The following STK3 variants were observed in gnomAD, a reference collection of about 807,000 sequenced individuals.
STK3 encodes serine/threonine kinase 3, also known as serine/threonine-protein kinase 3.
STK3 carries 41 observed loss-of-function variants against 58.0 expected under a neutral mutation model. The observed-to-expected ratio is 0.71, with a 90% CI of 0.55 to 0.92. The LOEUF (loss-of-function observed/expected upper bound fraction) is 0.92, where lower values mean the gene tolerates loss of function less well. Ranked by LOEUF, STK3 falls within the 40% of genes least tolerant of loss-of-function variation. STK3 has a pLI of 0.00. For synonymous variants in STK3, 170 were observed against 191.0 expected, an observed-to-expected ratio of 0.89 and a Z score of 0.91; for missense variants, 479 against 602.7, an observed-to-expected ratio of 0.79 and a Z score of 2.15.
At chr8:98,696,648 C>T (rs969028479) in intron 6 of STK3, among the ~76,000 whole-genome samples, 1 of 152,176 alleles carries the variant, frequency 6.6e-6, no homozygotes, top group Admixed American at 6.5e-5. Context: ...TGTTTACATG[C>T]TGGATTACAT....
At chr8:98,584,956 T>G (rs1467218074) in intron 7 of STK3, among the ~76,000 whole-genome samples, 8 of 150,436 alleles carry the variant, frequency 5.3e-5, no homozygotes, top group Non-Finnish European at 1.2e-4. Flanking sequence ...GTTTTTTTCT[T>G]GTAAATTTGT....
At chr8:98,481,920 AT>A (rs1373889831) in intron 10 of STK3, among the ~76,000 whole-genome samples, 1 of 152,182 alleles carries the variant, frequency 6.6e-6, no homozygotes, top group Non-Finnish European at 1.5e-5. Flanking sequence ...TACTAAAAAA[AT>A]TTAGTCATTG....
At chr8:98,387,392 C>A (rs185154236) in intron 1 of STK3, among the ~76,000 whole-genome samples, 1 of 152,272 alleles carries the variant, frequency 6.6e-6, no homozygotes, top group Non-Finnish European at 1.5e-5. Context: ...AATTGGAAAC[C>A]TAAGCATGAG....
chr8:98,895,819 T>G (rs1315786224), intron 1 of STK3, among the ~76,000 whole-genome samples: 1 of 152,164 alleles, frequency 6.6e-6, no homozygotes, highest in Non-Finnish European at 1.5e-5. Context: ...TCAAGCCAAT[T>G]TGAGGTCAAG....
intron 7 of STK3, among the ~76,000 whole-genome samples, chr8:98,583,792 T>C (rs1324630493): frequency 1.3e-5 from 2 of 151,698 alleles, no homozygotes; most frequent in Non-Finnish European, 2.9e-5. Flanking sequence ...GTTTAAGAAG[T>C]AGATGAGAAA....
the STK3 span, among the ~76,000 whole-genome samples, chr8:98,364,657 A>G: frequency 7.2e-5 from 11 of 152,108 alleles, no homozygotes; most frequent in Admixed American, 1.3e-4. Context: ...CTGCTTCTCC[A>G]TCTTCCCCCA....
At chr8:98,459,789 T>C (rs1205658855) in intron 10 of STK3, among the ~76,000 whole-genome samples, 1 of 152,204 alleles carries the variant, frequency 6.6e-6, no homozygotes, top group Non-Finnish European at 1.5e-5. Context: ...CCACATGGTG[T>C]TGGGCCTGCG....
At chr8:98,498,211 G>A (rs4734408) in intron 10 of STK3, among the ~76,000 whole-genome samples, 152,080 of 152,086 alleles carry the variant, frequency 1, 76,037 homozygotes, top group Non-Finnish European at 1. Flanking sequence ...GAAGATCTGG[G>A]CTGAGGCAGG....
intron 6 of STK3, among the ~76,000 whole-genome samples, chr8:98,653,581 A>G (rs936197750): frequency 7.9e-4 from 120 of 152,240 alleles, no homozygotes; most frequent in South Asian, 4.4e-3. Flanking sequence ...TTGATAGACC[A>G]CTAGCAAGAC....
chr8:98,515,996 T>G (rs1292038917), intron 10 of STK3, among the ~76,000 whole-genome samples: 3 of 152,072 alleles, frequency 2.0e-5, no homozygotes, highest in Non-Finnish European at 2.9e-5. Flanking sequence ...TTCCCAATAC[T>G]TATTAGTTTA....
At chr8:98,614,774 G>A (rs1016622201) in intron 6 of STK3, among the ~76,000 whole-genome samples, 6 of 152,168 alleles carry the variant, frequency 3.9e-5, no homozygotes, top group East Asian at 1.9e-4. Context: ...GGCGCACCAC[G>A]AGACTATATC....
At chr8:98,809,022 G>C (rs1231091071) in intron 1 of STK3, among the ~76,000 whole-genome samples, 1 of 152,132 alleles carries the variant, frequency 6.6e-6, no homozygotes, top group Non-Finnish European at 1.5e-5. Context: ...TAAATGATGG[G>C]ACTCAGAGAA....
chr8:98,719,153 G>A (rs911074446), intron 4 of STK3, among the ~76,000 whole-genome samples: 9 of 152,084 alleles, frequency 5.9e-5, no homozygotes, highest in Admixed American at 6.6e-5. Context: ...CACTACAGAC[G>A]GTGGGCAAGG....
chr8:98,673,952 C>A (rs1242341247), intron 6 of STK3, among the ~76,000 whole-genome samples: 2 of 152,010 alleles, frequency 1.3e-5, no homozygotes, highest in Non-Finnish European at 2.9e-5. Context: ...AATAAATATA[C>A]ATAGGTTTGG....
chr8:98,697,323 A>G (rs1046189369), intron 6 of STK3, among the ~76,000 whole-genome samples: 41 of 152,018 alleles, frequency 2.7e-4, no homozygotes, highest in Non-Finnish European at 1.8e-4. Context: ...TGGATTCATT[A>G]ATTTTTTGAA....
intron 3 of STK3, among the ~76,000 whole-genome samples, chr8:98,865,965 G>T (rs1837123900): frequency 6.6e-6 from 1 of 152,244 alleles, no homozygotes; most frequent in African/African-American, 2.4e-5. Flanking sequence ...TCTGGAGTGG[G>T]CAGAGGCTCT....
intron 8 of STK3, among the ~76,000 whole-genome samples, chr8:98,558,221 G>T (rs1183176346): frequency 6.6e-6 from 1 of 152,020 alleles, no homozygotes; most frequent in African/African-American, 2.4e-5. Flanking sequence ...ACATCCACAA[G>T]AGGGAACCAA....
intron 1 of STK3, among the ~76,000 whole-genome samples, chr8:98,940,600 A>G (rs1466737671): frequency 2.0e-5 from 3 of 152,012 alleles, no homozygotes; most frequent in African/African-American, 4.8e-5. Flanking sequence ...AGACGCGGGA[A>G]GGCCCCCGCG....
At chr8:98,696,907 G>T (rs1226066002) in intron 6 of STK3, among the ~76,000 whole-genome samples, 1 of 152,098 alleles carries the variant, frequency 6.6e-6, no homozygotes, top group Non-Finnish European at 1.5e-5. Context: ...TTTTTCTATT[G>T]ATTGGAATAG....
Sources: gnomAD v4.1 joint callset for allele counts (sites outside exome capture counted in the v4.1 genomes callset) on GRCh38, gnomAD v4.1.1 for gene constraint, MANE v1.5 for transcripts, NCBI Gene and HGNC (gene_info 2026-07-23, HGNC 2026-07-21) for gene names.